Variants in LINGO2 observed in about 807,000 individuals in gnomAD.
LINGO2 encodes the protein leucine-rich repeat and immunoglobulin-like domain-containing nogo receptor-interacting protein 2.
LINGO2 carries 14 observed loss-of-function variants against 30.6 expected under a neutral mutation model. The ratio of observed to expected loss-of-function variants is 0.46; its 90% CI spans 0.30 to 0.72. The LOEUF is 0.72. Ranked by LOEUF, LINGO2 falls within the 30% of genes least tolerant of loss-of-function variation. LINGO2 has a pLI of 0.07. For missense variants in LINGO2, 729 were observed against 751.7 expected (o/e 0.97, Z 0.35); for synonymous variants, 317 against 288.5 (o/e 1.10, Z -1.00).
chr9:29,169,161 T>C, the LINGO2 span, among the ~76,000 whole-genome samples: 1 of 152,132 alleles, frequency 6.6e-6, no homozygotes, highest in African/African-American at 2.4e-5. Flanking sequence ...CTGGCCAGGC[T>C]GGTCTTGAAC....
chr9:28,478,513 C>T (rs1426283426), intron 1 of LINGO2, among the ~76,000 whole-genome samples: 1 of 152,066 alleles, frequency 6.6e-6, no homozygotes. Context: ...CTACCCACCA[C>T]ATTTTGAGTA....
At chr9:28,266,898 A>G (rs1822770264) in intron 4 of LINGO2, among the ~76,000 whole-genome samples, 1 of 152,030 alleles carries the variant, frequency 6.6e-6, no homozygotes, top group African/African-American at 2.4e-5. Context: ...TCACAGGACA[A>G]TCGTGGACAT....
the LINGO2 span, among the ~76,000 whole-genome samples, chr9:28,720,544 A>T: frequency 6.6e-6 from 1 of 152,036 alleles, no homozygotes. Context: ...ATGTGTAAAA[A>T]ATTTCTGTCA....
At chr9:28,783,016 T>G in the LINGO2 span, among the ~76,000 whole-genome samples, 1 of 152,234 alleles carries the variant, frequency 6.6e-6, no homozygotes, top group East Asian at 1.9e-4. Context: ...TATCTATACA[T>G]ATCTAAATGC....
chr9:28,406,644 A>G (rs1822526918), intron 2 of LINGO2, among the ~76,000 whole-genome samples: 1 of 152,130 alleles, frequency 6.6e-6, no homozygotes, highest in Admixed American at 6.6e-5. Flanking sequence ...GATTCTGACT[A>G]TGTATACTTC....
chr9:29,180,836 C>A, the LINGO2 span, among the ~76,000 whole-genome samples: 1 of 151,960 alleles, frequency 6.6e-6, no homozygotes, highest in Non-Finnish European at 1.5e-5. Context: ...TCCAAGATCG[C>A]AAAATAACAG....
the LINGO2 span, among the ~76,000 whole-genome samples, chr9:28,880,794 C>A: frequency 3.3e-5 from 5 of 152,244 alleles, no homozygotes; most frequent in Non-Finnish European, 7.4e-5. Context: ...GGAGAAAAAC[C>A]GCCCTATGGT....
intron 4 of LINGO2, among the ~76,000 whole-genome samples, chr9:28,160,877 C>T (rs10757714): frequency 6.6e-6 from 1 of 151,822 alleles, no homozygotes; most frequent in Non-Finnish European, 1.5e-5. Context: ...TTCTTAGCTA[C>T]TCTTGCCCAC....
At chr9:28,112,065 C>T (rs1454409448) in intron 4 of LINGO2, among the ~76,000 whole-genome samples, 2 of 104,536 alleles carry the variant, frequency 1.9e-5, no homozygotes, top group South Asian at 4.3e-4. Context: ...CCCCCTCCCC[C>T]GACCCCACCA....
At chr9:28,539,987 G>C (rs1821603542) in intron 1 of LINGO2, among the ~76,000 whole-genome samples, 1 of 152,094 alleles carries the variant, frequency 6.6e-6, no homozygotes, top group African/African-American at 2.4e-5. Flanking sequence ...TTTCCTATCT[G>C]TTTCTCTAGT....
chr9:28,111,249 T>G (rs752818100), intron 4 of LINGO2, among the ~76,000 whole-genome samples: 5 of 151,916 alleles, frequency 3.3e-5, no homozygotes, highest in African/African-American at 4.8e-5. Flanking sequence ...GCTTGGGGGC[T>G]ACAGGAGGTA....
intron 1 of LINGO2, among the ~76,000 whole-genome samples, chr9:28,554,193 C>A (rs1300481923): frequency 6.6e-6 from 1 of 151,642 alleles, no homozygotes; most frequent in Non-Finnish European, 1.5e-5. Context: ...AATTAAAAGA[C>A]ACAGACTGGC....
the LINGO2 span, among the ~76,000 whole-genome samples, chr9:28,962,451 T>C: frequency 6.6e-6 from 1 of 152,114 alleles, no homozygotes; most frequent in Non-Finnish European, 1.5e-5. Flanking sequence ...TTTTTAAATG[T>C]TCTTGAAGTA....
chr9:28,432,192 G>C (rs1164629485), intron 2 of LINGO2, among the ~76,000 whole-genome samples: 3 of 152,202 alleles, frequency 2.0e-5, no homozygotes, highest in Admixed American at 1.3e-4. Flanking sequence ...TAAGGAAGAA[G>C]TTATATACTA....
At chr9:29,210,487 A>T in the LINGO2 span, among the ~76,000 whole-genome samples, 2 of 152,132 alleles carry the variant, frequency 1.3e-5, no homozygotes, top group African/African-American at 4.8e-5. Flanking sequence ...TTCACACCAT[A>T]AAAATTTCTA....
chr9:28,889,421 CAT>C, the LINGO2 span, among the ~76,000 whole-genome samples: 1 of 137,028 alleles, frequency 7.3e-6, no homozygotes, highest in Non-Finnish European at 1.6e-5. Context: ...CACCATTTAA[CAT>C]GTTTTTTGCT....
chr9:27,981,080 C>T (rs1226102715), intron 5 of LINGO2, among the ~76,000 whole-genome samples: 1 of 151,764 alleles, frequency 6.6e-6, no homozygotes, highest in Non-Finnish European at 1.5e-5. Flanking sequence ...TTGTACTCAA[C>T]ACATGGGGCT....
At chr9:28,522,146 G>C (rs1272512847) in intron 1 of LINGO2, among the ~76,000 whole-genome samples, 1 of 152,150 alleles carries the variant, frequency 6.6e-6, no homozygotes, top group African/African-American at 2.4e-5. Flanking sequence ...AATAAGACCA[G>C]AAAAGAAGAG....
the LINGO2 span, among the ~76,000 whole-genome samples, chr9:28,818,766 C>T: frequency 6.6e-6 from 1 of 152,024 alleles, no homozygotes; most frequent in African/African-American, 2.4e-5. Flanking sequence ...AAGCTCAAAC[C>T]TTAAGGAGAT....
Sources: gnomAD v4.1 joint callset for allele counts (sites outside exome capture counted in the v4.1 genomes callset) on GRCh38, gnomAD v4.1.1 for gene constraint, MANE v1.5 for transcripts, NCBI Gene and HGNC (gene_info 2026-07-23, HGNC 2026-07-21) for gene names.